The following WDR70 variants were observed in gnomAD, a reference collection of about 807,000 sequenced individuals.
WDR70 encodes WD repeat-containing protein 70.
In WDR70, 53 loss-of-function variants were observed where a neutral mutation model predicts 88.6. The observed-to-expected ratio is 0.60, with a 90% confidence interval of 0.48 to 0.75. WDR70 has a LOEUF of 0.75. Ranked by LOEUF, WDR70 falls within the 30% of genes least tolerant of loss-of-function variation. The pLI is 0.00. For missense variants in WDR70, 610 were observed against 823.2 expected (o/e 0.74, Z 3.17); for synonymous variants, 280 against 270.0 (o/e 1.04, Z -0.36).
chr5:37,735,223 TA>T (rs1345616182), intron 17 of WDR70, among the ~76,000 whole-genome samples: 1 of 152,162 alleles, frequency 6.6e-6, no homozygotes, highest in African/African-American at 2.4e-5. Flanking sequence ...CAACTTTCTT[TA>T]AATAAGAATT....
At chr5:37,749,536 C>A (rs548704439) in intron 17 of WDR70, among the ~76,000 whole-genome samples, 1 of 151,490 alleles carries the variant, frequency 6.6e-6, no homozygotes, top group African/African-American at 2.4e-5. Context: ...GCACATTCTG[C>A]ACATGTATCC....
intron 9 of WDR70, among the ~76,000 whole-genome samples, chr5:37,559,992 T>C (rs112931133): frequency 2.6e-5 from 4 of 152,316 alleles, no homozygotes; most frequent in African/African-American, 9.6e-5. Flanking sequence ...TTTGTGTTAT[T>C]GTATTTATTG....
intron 17 of WDR70, among the ~76,000 whole-genome samples, chr5:37,737,253 C>A (rs2112724142): frequency 6.6e-6 from 1 of 152,190 alleles, no homozygotes; most frequent in African/African-American, 2.4e-5. Context: ...CCCCATTTTA[C>A]CGATAAGGAG....
intron 5 of WDR70, among the ~76,000 whole-genome samples, chr5:37,434,837 C>T (rs939823721): frequency 3.9e-5 from 6 of 152,118 alleles, no homozygotes; most frequent in South Asian, 2.1e-4. Context: ...ATTACTTCAT[C>T]GAAGTCAAAT....
At chr5:37,691,168 C>G (rs1210785554) in intron 10 of WDR70, among the ~76,000 whole-genome samples, 3 of 152,180 alleles carry the variant, frequency 2.0e-5, no homozygotes, top group Non-Finnish European at 4.4e-5. Context: ...GAAGAGCTAA[C>G]TATCCTAAAT....
chr5:37,740,749 T>A (rs1337490902), intron 17 of WDR70, among the ~76,000 whole-genome samples: 1 of 152,202 alleles, frequency 6.6e-6, no homozygotes, highest in African/African-American at 2.4e-5. Flanking sequence ...TTTCCAGATA[T>A]GAGAAATATT....
At position 37,471,484 on chromosome 5, in the gene WDR70, A is replaced by AC. The variant is rs532071949; in HGVS notation, c.687-8350_687-8349insC. Among the ~76,000 whole-genome samples, 344 of 151,782 alleles carry AC rather than the reference A, an allele frequency of 2.3e-3. 3 individuals are homozygous for AC. Among genetic ancestry groups the AC allele is most frequent in the African/African-American group, 8.1e-3 (333 of 41,232 alleles). ...CTTTTTTTTTTAAATACCATTTAAT[A>AC]GATTTTAAAAATATGGTGGATCTAG... is the stretch of plus-strand genomic sequence containing the variant. On this transcript the variant is annotated intron_variant, in intron 7 of 17. Coordinates refer to ENST00000265107, the MANE Select transcript of WDR70 (RefSeq NM_018034.4).
chr5:37,461,177 G>C (rs1738992533), intron 7 of WDR70, among the ~76,000 whole-genome samples: 1 of 151,108 alleles, frequency 6.6e-6, no homozygotes, highest in Non-Finnish European at 1.5e-5. Context: ...ATGATACAGA[G>C]ATCATATATG....
intron 10 of WDR70, among the ~76,000 whole-genome samples, chr5:37,615,871 T>A (rs1225257098): frequency 1.3e-5 from 2 of 152,336 alleles, no homozygotes; most frequent in African/African-American, 4.8e-5. Context: ...CTCCCTCAAT[T>A]GCGTCTCTCG....
At chr5:37,396,250 T>A (rs1396985793) in intron 4 of WDR70, 125 bp from the exon 5 acceptor site, 5 of 1,319,882 alleles carry the variant, frequency 3.8e-6, no homozygotes, top group African/African-American at 1.5e-5. Context: ...ACTACAAATT[T>A]AAAAAAATTA....
At chr5:37,520,229 T>G (rs1182474331) in intron 9 of WDR70, among the ~76,000 whole-genome samples, 1 of 152,192 alleles carries the variant, frequency 6.6e-6, no homozygotes, top group Admixed American at 6.5e-5. Context: ...AAATTTGCCT[T>G]GTTAACATTC....
intron 9 of WDR70, among the ~76,000 whole-genome samples, chr5:37,530,386 A>G (rs1741444906): frequency 6.6e-6 from 1 of 152,034 alleles, no homozygotes; most frequent in Non-Finnish European, 1.5e-5. Context: ...TATTGCTACC[A>G]GTTCTTTGAA....
In WDR70 at chr5:37,392,004, A is replaced by G. The variant is rs1341962562; in HGVS notation, c.180A>G (p.Ala60=). Residue 60 remains alanine (A), a synonymous_variant, in exon 4 of 18, where the codon GCA becomes GCG. Transcript: ENST00000265107. The part of the protein sequence containing the change: ...AVERSRKTLE[A]REKEEEMNRE... ...ATCTTTTTTTAATCTTTTCAGAAGC[A>G]AGAGAAAAAGAGGAAGAAATGAACA... 11 of 1,595,212 alleles carry G rather than the reference A, an allele frequency of 6.9e-6. No homozygotes were observed. Among genetic ancestry groups the G allele is most frequent in the Non-Finnish European group, 8.5e-6 (10 of 1,175,458 alleles).
chr5:37,409,498 G>A (rs148394885), intron 5 of WDR70, among the ~76,000 whole-genome samples: 2 of 151,480 alleles, frequency 1.3e-5, no homozygotes, highest in African/African-American at 2.4e-5. Flanking sequence ...GTGAGAAACT[G>A]GCCTTACTTT....
chr5:37,447,038 C>G (rs1483935008), intron 7 of WDR70, among the ~76,000 whole-genome samples: 1 of 152,016 alleles, frequency 6.6e-6, no homozygotes, highest in Non-Finnish European at 1.5e-5. Flanking sequence ...TGCAACCTAC[C>G]CATCTGACAA....
intron 13 of WDR70, among the ~76,000 whole-genome samples, chr5:37,714,096 C>T (rs1747589628): frequency 6.6e-6 from 1 of 152,160 alleles, no homozygotes. Context: ...AACATCTTTA[C>T]CTGTACTATA....
rs527672784 is a variant in WDR70 at position 37,415,224 on chromosome 5, T to C, written c.492+18654T>C. Reference sequence around the variant, plus strand: ...GCAACCATCCGATTTCTCAATCTTTTCCCCACCTTTCCCCTTTTCTATTCC... The same window carrying C: ...GCAACCATCCGATTTCTCAATCTTTCCCCCACCTTTCCCCTTTTCTATTCC... On this transcript the variant is annotated intron_variant, in intron 5 of 17. Coordinates refer to ENST00000265107, the MANE Select transcript of WDR70 (RefSeq NM_018034.4). Among the ~76,000 whole-genome samples the C allele has an allele frequency of 2.4e-4, 37 of 152,120 alleles. No homozygotes were observed. The East Asian group carries it at 3.7e-3, about 15-fold the overall frequency.
At chr5:37,390,829 G>A (rs1335865017) in intron 3 of WDR70, among the ~76,000 whole-genome samples, 2 of 150,524 alleles carry the variant, frequency 1.3e-5, no homozygotes, top group African/African-American at 4.9e-5. Flanking sequence ...CGATTCTCCT[G>A]CCTCAGCCTC....
intron 10 of WDR70, among the ~76,000 whole-genome samples, chr5:37,641,780 C>T (rs1259050244): frequency 6.6e-6 from 1 of 152,106 alleles, no homozygotes; most frequent in Non-Finnish European, 1.5e-5. Flanking sequence ...CTTCCTAGTT[C>T]CTGTAAGTAT....
Sources: allele counts gnomAD v4.1 joint callset (sites outside exome capture counted in the v4.1 genomes callset), GRCh38; gene constraint gnomAD v4.1.1; transcripts MANE v1.5; gene names NCBI Gene and HGNC (gene_info 2026-07-23, HGNC 2026-07-21).